METTL15: variants seen among roughly 807,000 people sequenced by gnomAD.
METTL15 encodes methyltransferase 15, mitochondrial 12S rRNA N4-cytidine.
METTL15 carries 34 observed loss-of-function variants against 38.3 expected under a neutral mutation model. The observed-to-expected ratio is 0.89, with a 90% CI of 0.68 to 1.18. The LOEUF (loss-of-function observed/expected upper bound fraction) is 1.18, where lower values mean the gene tolerates loss of function less well. Among genes scored for constraint, METTL15 ranks in the 50% most tolerant of loss-of-function variants. The pLI is 0.00. For synonymous variants in METTL15, 162 were observed against 170.9 expected (o/e 0.95, Z 0.41); for missense variants, 438 against 498.4 (o/e 0.88, Z 1.15).
intron 4 of METTL15, among the ~76,000 whole-genome samples, chr11:28,243,336 A>G (rs1466046594): frequency 6.6e-6 from 1 of 152,174 alleles, no homozygotes; most frequent in African/African-American, 2.4e-5. Flanking sequence ...TTTCCTTAGC[A>G]ATAGAAGTTC....
chr11:28,225,088 A>G (rs547429112), intron 4 of METTL15, among the ~76,000 whole-genome samples: 11 of 151,922 alleles, frequency 7.2e-5, no homozygotes, highest in African/African-American at 2.6e-4. Context: ...GTAAGGTGAT[A>G]AAGTAATACT....
intron 6 of METTL15, among the ~76,000 whole-genome samples, chr11:28,474,579 G>A (rs1851329202): frequency 6.6e-6 from 1 of 152,148 alleles, no homozygotes. Flanking sequence ...GTGGATGGCA[G>A]GTTACTAAGA....
chr11:28,364,801 T>C (rs1850170751), intron 5 of METTL15, among the ~76,000 whole-genome samples: 1 of 152,224 alleles, frequency 6.6e-6, no homozygotes, highest in African/African-American at 2.4e-5. Context: ...CCAGTCAGTA[T>C]GATGTTGGAC....
chr11:28,389,970 C>A (rs1679586951), intron 5 of METTL15, among the ~76,000 whole-genome samples: 1 of 152,092 alleles, frequency 6.6e-6, no homozygotes, highest in Non-Finnish European at 1.5e-5. Flanking sequence ...ATTTGCATTT[C>A]TCTGATGGCC....
chr11:28,199,721 G>A (rs1435233211), intron 3 of METTL15, among the ~76,000 whole-genome samples: 1 of 151,074 alleles, frequency 6.6e-6, no homozygotes, highest in African/African-American at 2.4e-5. Flanking sequence ...CTTGCAGGCT[G>A]TTGTAAGAAT....
At chr11:28,527,614 G>A (rs1331324397), downstream of METTL15, among the ~76,000 whole-genome samples, 1 of 152,150 alleles carries the variant, frequency 6.6e-6, no homozygotes, top group Admixed American at 6.5e-5. Flanking sequence ...CAACTTTGCT[G>A]TCTCCTAGAG....
chr11:28,343,701 G>A (rs1467587638), intron 3 of METTL15, among the ~76,000 whole-genome samples: 1 of 152,160 alleles, frequency 6.6e-6, no homozygotes, highest in African/African-American at 2.4e-5. Flanking sequence ...TTGTATTTGT[G>A]CATAGGTTGT....
chr11:28,454,058 A>G (rs1181414812), intron 6 of METTL15, among the ~76,000 whole-genome samples: 1 of 152,198 alleles, frequency 6.6e-6, no homozygotes, highest in Non-Finnish European at 1.5e-5. Flanking sequence ...CTCTATTGTG[A>G]TGTCCCAAGT....
At chr11:28,385,310 G>C (rs942929992) in intron 5 of METTL15, among the ~76,000 whole-genome samples, 9 of 151,942 alleles carry the variant, frequency 5.9e-5, no homozygotes, top group Admixed American at 5.2e-4. Flanking sequence ...ATCTTGAGTT[G>C]GTTTTTGTAT....
At chr11:28,162,087 A>G (rs1021571877) in intron 3 of METTL15, among the ~76,000 whole-genome samples, 2 of 152,164 alleles carry the variant, frequency 1.3e-5, no homozygotes, top group African/African-American at 2.4e-5. Flanking sequence ...TAAAATAAGT[A>G]CCATTATTAC....
At chr11:28,178,198 C>T (rs1851147543) in intron 3 of METTL15, among the ~76,000 whole-genome samples, 1 of 151,888 alleles carries the variant, frequency 6.6e-6, no homozygotes, top group South Asian at 2.1e-4. Context: ...TACCCATACA[C>T]ATACACACAT....
At chr11:28,240,180 A>C (rs947444583) in intron 4 of METTL15, among the ~76,000 whole-genome samples, 1 of 152,226 alleles carries the variant, frequency 6.6e-6, no homozygotes, top group Non-Finnish European at 1.5e-5. Context: ...TTCATGAGCT[A>C]CTTCAGTTTC....
At chr11:28,146,723 G>A (rs954026309) in intron 3 of METTL15, among the ~76,000 whole-genome samples, 2 of 151,780 alleles carry the variant, frequency 1.3e-5, no homozygotes, top group Non-Finnish European at 2.9e-5. Flanking sequence ...TAGTTCATAA[G>A]TAATAGCATA....
At chr11:28,451,154 A>G (rs371947178) in intron 6 of METTL15, among the ~76,000 whole-genome samples, 1 of 152,322 alleles carries the variant, frequency 6.6e-6, no homozygotes, top group East Asian at 1.9e-4. Context: ...CCACAGCTCA[A>G]AAAACTTACG....
chr11:28,178,085 A>T (rs539489498), intron 3 of METTL15, among the ~76,000 whole-genome samples: 1 of 151,982 alleles, frequency 6.6e-6, no homozygotes, highest in Non-Finnish European at 1.5e-5. Context: ...TGATTTGATG[A>T]GTGGCTGCCC....
At chr11:28,324,045 T>C (rs1849555267) in intron 6 of METTL15, among the ~76,000 whole-genome samples, 1 of 152,228 alleles carries the variant, frequency 6.6e-6, no homozygotes, top group African/African-American at 2.4e-5. Flanking sequence ...TAAAAGTTTA[T>C]TTAACATGAA....
Position 28,353,132 on chromosome 11 carries a change from C to G in METTL15, c.*258+974C>G, listed in dbSNP as rs184779135. On this transcript the variant is annotated intron_variant and NMD_transcript_variant, in intron 4 of 7. Transcript: ENST00000532947. ...TTCTGGGGCTCCAGTTAAAAGATTA[C>G]TGCAGCTCTTCAGAGTAAGGTAATG... Among the ~76,000 whole-genome samples the G allele has an allele frequency of 4.6e-5, 7 of 152,216 alleles. No homozygotes were observed. In the East Asian group the frequency reaches 1.4e-3, roughly 29 times the overall value.
intron 3 of METTL15, among the ~76,000 whole-genome samples, chr11:28,146,669 T>C (rs1333491768): frequency 6.6e-6 from 1 of 151,936 alleles, no homozygotes; most frequent in Non-Finnish European, 1.5e-5. Flanking sequence ...TTTATCTTGC[T>C]AATTTATCAA....
chr11:28,490,364 T>C (rs940088362), intron 6 of METTL15, among the ~76,000 whole-genome samples: 1 of 152,144 alleles, frequency 6.6e-6, no homozygotes, highest in Admixed American at 6.6e-5. Context: ...ATTCTTACAT[T>C]GATTTTTCCC....
Sources: gnomAD v4.1 joint callset for allele counts (sites outside exome capture counted in the v4.1 genomes callset) on GRCh38, gnomAD v4.1.1 for gene constraint, MANE v1.5 for transcripts, NCBI Gene and HGNC (gene_info 2026-07-23, HGNC 2026-07-21) for gene names.